LOC128706665: variants seen among roughly 807,000 people sequenced by gnomAD.
the LOC128706665 span, among the ~76,000 whole-genome samples, chr20:10,428,439 C>T: frequency 3.3e-5 from 5 of 152,166 alleles, no homozygotes; most frequent in African/African-American, 1.2e-4. Context: ...ATTGTATGCT[C>T]CACCTTCATT....
At chr20:10,430,804 G>T in the LOC128706665 span, among the ~76,000 whole-genome samples, 1 of 152,214 alleles carries the variant, frequency 6.6e-6, no homozygotes, top group Non-Finnish European at 1.5e-5. Flanking sequence ...AAAATTTCAT[G>T]TATGTTTCTC....
the LOC128706665 span, among the ~76,000 whole-genome samples, chr20:10,420,935 A>T: frequency 1.3e-5 from 2 of 152,198 alleles, no homozygotes; most frequent in Non-Finnish European, 2.9e-5. Context: ...TCATTGACCC[A>T]AAGGGAGCAG....
chr20:10,422,425 G>A, the LOC128706665 span, among the ~76,000 whole-genome samples: 1 of 152,056 alleles, frequency 6.6e-6, no homozygotes, highest in Non-Finnish European at 1.5e-5. Flanking sequence ...AAATTTCATT[G>A]TGAAGTCCAA....
At chr20:10,418,671 T>G in the LOC128706665 span, among the ~76,000 whole-genome samples, 5 of 152,154 alleles carry the variant, frequency 3.3e-5, no homozygotes, top group Non-Finnish European at 5.9e-5. Flanking sequence ...AGCTCTATTT[T>G]TCCTCCAAGA....
At chr20:10,431,113 C>T in the LOC128706665 span, among the ~76,000 whole-genome samples, 7 of 152,096 alleles carry the variant, frequency 4.6e-5, no homozygotes, top group East Asian at 1.9e-4. Flanking sequence ...GCTCAATACA[C>T]GGCAGCCATT....
chr20:10,423,703 G>C, the LOC128706665 span, among the ~76,000 whole-genome samples: 1 of 152,136 alleles, frequency 6.6e-6, no homozygotes, highest in African/African-American at 2.4e-5. Context: ...TAAAAGAAAT[G>C]CTCAATTTTA....
the LOC128706665 span, among the ~76,000 whole-genome samples, chr20:10,417,916 T>C: frequency 1.3e-5 from 2 of 152,164 alleles, no homozygotes; most frequent in African/African-American, 4.8e-5. Flanking sequence ...ATGTGGGAAA[T>C]TTTTTAAAAG....
At chr20:10,427,363 T>C in the LOC128706665 span, among the ~76,000 whole-genome samples, 1 of 152,130 alleles carries the variant, frequency 6.6e-6, no homozygotes, top group East Asian at 1.9e-4. Context: ...TTTGAAAAAA[T>C]TGTAATTTTT....
At chr20:10,433,465 C>A in the LOC128706665 span, among the ~76,000 whole-genome samples, 6 of 152,136 alleles carry the variant, frequency 3.9e-5, no homozygotes, top group Non-Finnish European at 8.8e-5. Context: ...GCTGTAGACA[C>A]GTGTATATCT....
chr20:10,426,179 T>C, the LOC128706665 span, among the ~76,000 whole-genome samples: 4 of 152,256 alleles, frequency 2.6e-5, no homozygotes, highest in African/African-American at 9.6e-5. Context: ...ATTCTAAGAT[T>C]ACTGTCAGTT....
At chr20:10,426,696 G>A in the LOC128706665 span, among the ~76,000 whole-genome samples, 1 of 152,180 alleles carries the variant, frequency 6.6e-6, no homozygotes, top group Non-Finnish European at 1.5e-5. Context: ...TGCACGCCCC[G>A]TGGCATGTCC....
At chr20:10,433,247 C>T in the LOC128706665 span, among the ~76,000 whole-genome samples, 2 of 152,236 alleles carry the variant, frequency 1.3e-5, no homozygotes, top group African/African-American at 4.8e-5. Context: ...TCAAGTGATC[C>T]GCCCGCCTCG....
the LOC128706665 span, among the ~76,000 whole-genome samples, chr20:10,421,859 G>A: frequency 3.3e-5 from 5 of 151,906 alleles, no homozygotes; most frequent in African/African-American, 9.7e-5. Flanking sequence ...TGTTGGGTTT[G>A]GGAACTTGAA....
the LOC128706665 span, among the ~76,000 whole-genome samples, chr20:10,414,528 G>A: frequency 1.4e-4 from 22 of 152,224 alleles, no homozygotes; most frequent in African/African-American, 5.3e-4. Flanking sequence ...GCCTCCCAAA[G>A]TGCTGGGATT....
the LOC128706665 span, among the ~76,000 whole-genome samples, chr20:10,430,474 GA>G: frequency 1.3e-5 from 2 of 151,856 alleles, no homozygotes; most frequent in Admixed American, 1.3e-4. Context: ...ATGTCAAAAA[GA>G]AAAAAAACAT....
At chr20:10,414,714 T>C in the LOC128706665 span, among the ~76,000 whole-genome samples, 1 of 152,352 alleles carries the variant, frequency 6.6e-6, no homozygotes, top group East Asian at 1.9e-4. Flanking sequence ...TAAATAATTA[T>C]AAAAACAAGA....
the LOC128706665 span, among the ~76,000 whole-genome samples, chr20:10,427,988 C>T: frequency 6.6e-6 from 1 of 152,200 alleles, no homozygotes; most frequent in Non-Finnish European, 1.5e-5. Context: ...GCGTAAGTAT[C>T]TTATGTCTTT....
the LOC128706665 span, among the ~76,000 whole-genome samples, chr20:10,429,503 G>A: frequency 1.6e-3 from 245 of 151,942 alleles, no homozygotes; most frequent in African/African-American, 5.4e-3. Flanking sequence ...TGAACTAACC[G>A]TCCCCACAAA....
chr20:10,425,517 T>C, the LOC128706665 span, among the ~76,000 whole-genome samples: 1 of 152,246 alleles, frequency 6.6e-6, no homozygotes, highest in Non-Finnish European at 1.5e-5. Flanking sequence ...GAAAGGTTCA[T>C]GATACTGAGA....
Sources: allele counts gnomAD v4.1 joint callset (sites outside exome capture counted in the v4.1 genomes callset), GRCh38; gene constraint gnomAD v4.1.1; transcripts MANE v1.5.